Variants in CNBD1 observed in about 807,000 individuals in gnomAD.
CNBD1 encodes cyclic nucleotide binding domain containing 1.
In CNBD1, 71 loss-of-function variants were observed where a neutral mutation model predicts 54.4. That is an observed-to-expected ratio of 1.30 (90% confidence interval 1.08 to 1.59). The LOEUF is 1.59. CNBD1 is among the 40% of genes most tolerant of loss of function. CNBD1 has a pLI of 0.00. For synonymous variants in CNBD1, 182 were observed against 170.7 expected (o/e 1.07, Z -0.51); for missense variants, 659 against 518.0 (o/e 1.27, Z -2.64).
intron 4 of CNBD1, among the ~76,000 whole-genome samples, chr8:86,962,288 A>G (rs568013510): frequency 1.1e-4 from 17 of 152,328 alleles, no homozygotes; most frequent in African/African-American, 3.4e-4. Flanking sequence ...AAAGACATAC[A>G]GGCCTTTTAA....
chr8:87,261,827 A>G (rs191831302), intron 6 of CNBD1, among the ~76,000 whole-genome samples: 1 of 152,160 alleles, frequency 6.6e-6, no homozygotes, highest in African/African-American at 2.4e-5. Context: ...GTTTGCTTTA[A>G]CCGTTTCTAG....
At chr8:86,906,792 T>C (rs1809024864) in intron 3 of CNBD1, among the ~76,000 whole-genome samples, 1 of 152,230 alleles carries the variant, frequency 6.6e-6, no homozygotes, top group South Asian at 2.1e-4. Context: ...AGGCACCCAG[T>C]GGCTGTCAAC....
At chr8:86,926,009 T>G (rs1424020814) in intron 3 of CNBD1, among the ~76,000 whole-genome samples, 1 of 152,146 alleles carries the variant, frequency 6.6e-6, no homozygotes, top group African/African-American at 2.4e-5. Context: ...TTTTATTCCC[T>G]TATTGTCCCC....
intron 4 of CNBD1, among the ~76,000 whole-genome samples, chr8:87,016,124 C>T (rs1052081071): frequency 6.6e-6 from 1 of 151,278 alleles, no homozygotes; most frequent in South Asian, 2.1e-4. Flanking sequence ...AAGTGCTTAT[C>T]AGATTGGCAA....
chr8:87,302,688 G>A (rs1175707946), intron 8 of CNBD1, among the ~76,000 whole-genome samples: 2 of 151,900 alleles, frequency 1.3e-5, no homozygotes, highest in African/African-American at 2.4e-5. Flanking sequence ...AAAAGAGGAA[G>A]TCAAATTGTC....
chr8:87,130,706 G>A (rs532363857), intron 4 of CNBD1, among the ~76,000 whole-genome samples: 1 of 151,694 alleles, frequency 6.6e-6, no homozygotes, highest in Admixed American at 6.6e-5. Flanking sequence ...GAGCCTGGGA[G>A]GCAGAGGTTG....
At chr8:87,083,593 T>C (rs983168313) in intron 4 of CNBD1, among the ~76,000 whole-genome samples, 22 of 147,716 alleles carry the variant, frequency 1.5e-4, no homozygotes, top group Non-Finnish European at 2.7e-4. Flanking sequence ...TTCTTTTTTT[T>C]TTTTTTTTTT....
intron 2 of CNBD1, among the ~76,000 whole-genome samples, chr8:86,903,003 T>G (rs1412781360): frequency 1.3e-5 from 2 of 152,158 alleles, no homozygotes; most frequent in Admixed American, 1.3e-4. Flanking sequence ...TAGGAATATG[T>G]TCCACATTAC....
intron 8 of CNBD1, among the ~76,000 whole-genome samples, chr8:87,327,732 C>G (rs1809714799): frequency 6.6e-6 from 1 of 152,272 alleles, no homozygotes; most frequent in South Asian, 2.1e-4. Context: ...AACCCGGTAC[C>G]TCAGATGGAA....
intron 2 of CNBD1, among the ~76,000 whole-genome samples, chr8:87,413,417 C>T (rs954465495): frequency 2.6e-5 from 4 of 151,920 alleles, no homozygotes; most frequent in Admixed American, 1.3e-4. Flanking sequence ...CAGGTATTTA[C>T]CTTGGTAGAT....
chr8:87,346,346 T>C (rs1179093995), intron 8 of CNBD1, among the ~76,000 whole-genome samples: 1 of 152,112 alleles, frequency 6.6e-6, no homozygotes, highest in African/African-American at 2.4e-5. Flanking sequence ...CTGGCCATTA[T>C]ACTTAATTTT....
At chr8:87,100,119 A>G (rs1249372615) in intron 4 of CNBD1, among the ~76,000 whole-genome samples, 2 of 152,164 alleles carry the variant, frequency 1.3e-5, no homozygotes, top group Non-Finnish European at 2.9e-5. Context: ...AATTCTTCTG[A>G]AAGTCTGGGT....
intron 10 of CNBD1, among the ~76,000 whole-genome samples, chr8:87,375,184 G>A (rs566377169): frequency 9.9e-5 from 15 of 151,880 alleles, no homozygotes; most frequent in Non-Finnish European, 1.8e-4. Context: ...AAATGTACAT[G>A]AATTCAGCTC....
chr8:87,291,250 T>C (rs1481660147), intron 8 of CNBD1, among the ~76,000 whole-genome samples: 1 of 149,296 alleles, frequency 6.7e-6, no homozygotes, highest in Non-Finnish European at 1.5e-5. Flanking sequence ...TTAGTTCTTC[T>C]AGTGTCACTA....
chr8:86,947,649 A>T (rs1452321150), intron 4 of CNBD1, among the ~76,000 whole-genome samples: 1 of 151,954 alleles, frequency 6.6e-6, no homozygotes, highest in East Asian at 1.9e-4. Context: ...TACATAGTAG[A>T]TGTATATATT....
At chr8:87,213,536 G>A (rs565759979) in intron 5 of CNBD1, among the ~76,000 whole-genome samples, 10 of 152,202 alleles carry the variant, frequency 6.6e-5, no homozygotes, top group Admixed American at 5.2e-4. Flanking sequence ...GAAACCATCA[G>A]ATCTCATGAG....
chr8:87,264,636 T>C (rs1808211092), intron 6 of CNBD1, among the ~76,000 whole-genome samples: 1 of 152,260 alleles, frequency 6.6e-6, no homozygotes, highest in South Asian at 2.1e-4. Context: ...GCGTTCCTAT[T>C]TCTCCACATC....
At chr8:87,286,425 C>A in intron 7 of CNBD1, 114 bp from the exon 8 acceptor site, 1 of 631,652 alleles carries the variant, frequency 1.6e-6, no homozygotes, top group Non-Finnish European at 2.7e-6. Flanking sequence ...GTATTCTATA[C>A]TAACTTATAT....
chr8:87,382,254 T>A (rs1178251112), intron 10 of CNBD1, among the ~76,000 whole-genome samples: 1 of 151,978 alleles, frequency 6.6e-6, no homozygotes, highest in Non-Finnish European at 1.5e-5. Flanking sequence ...ATAGGTAAGA[T>A]GATTTTACAT....
Sources: gnomAD v4.1 joint callset for allele counts (sites outside exome capture counted in the v4.1 genomes callset) on GRCh38, gnomAD v4.1.1 for gene constraint, MANE v1.5 for transcripts, NCBI Gene and HGNC (gene_info 2026-07-23, HGNC 2026-07-21) for gene names.